MIA2: variants seen among roughly 807,000 people sequenced by gnomAD.
The protein encoded by MIA2 is melanoma inhibitory activity protein 2.
In MIA2, 127 loss-of-function variants were observed where a neutral mutation model predicts 167.8. That is an observed-to-expected ratio of 0.76 (90% CI 0.66 to 0.88). MIA2 has a LOEUF of 0.88. Among genes scored for constraint, MIA2 ranks in the 40% least tolerant of loss-of-function variants. MIA2 has a pLI of 0.00. For missense variants in MIA2, 1,690 were observed against 1,624.7 expected, an observed-to-expected ratio of 1.04 and a Z score of -0.69; for synonymous variants, 552 against 541.9, an observed-to-expected ratio of 1.02 and a Z score of -0.26.
At chr14:39,270,200 G>GTTT (rs35675093) in intron 6 of MIA2, among the ~76,000 whole-genome samples, 5 of 88,054 alleles carry the variant, frequency 5.7e-5, no homozygotes, top group Non-Finnish European at 1.2e-4. Flanking sequence ...CTCTGTTGTG[G>GTTT]TTTTTTTTTT....
At chr14:39,356,361 C>G (rs2074525294), downstream of MIA2, among the ~76,000 whole-genome samples, 1 of 152,160 alleles carries the variant, frequency 6.6e-6, no homozygotes, top group African/African-American at 2.4e-5. Context: ...ATAGTATTCT[C>G]TGATGGTAGT....
At chr14:39,325,519 C>G (rs1052816092) in intron 24 of MIA2, among the ~76,000 whole-genome samples, 41 of 148,978 alleles carry the variant, frequency 2.8e-4, no homozygotes, top group Non-Finnish European at 4.8e-4. Flanking sequence ...AGGCGCCTGC[C>G]ACCATGCCCG....
intron 7 of MIA2, among the ~76,000 whole-genome samples, chr14:39,277,776 A>G (rs5029820): frequency 5.6e-5 from 2 of 35,758 alleles, no homozygotes; most frequent in South Asian, 1.2e-3. Context: ...ATATATATAT[A>G]TATATTTATA....
chr14:39,286,529 T>C (rs2059814871), intron 9 of MIA2, among the ~76,000 whole-genome samples: 1 of 152,194 alleles, frequency 6.6e-6, no homozygotes, highest in Non-Finnish European at 1.5e-5. Context: ...TAGTTTTGTT[T>C]TGATATTATA....
rs1282281535 is a variant in MIA2 at position 39,247,894 on chromosome 14, C to G, written c.1320C>G (p.Asp440Glu). 1 of 1,589,172 alleles carries G rather than the reference C, an allele frequency of 6.3e-7. No individual in the cohort carries two copies. The highest frequency in any genetic ancestry group is 1.2e-5 in the South Asian group (1 of 85,250). The change falls in exon 4 of 29, where the codon GAC becomes GAG. Residue 440 changes from aspartate (D) to glutamate (E), a missense_variant. Transcript: ENST00000640607. ...TTATAGAAACAGAAGATCAAATAGA[C>G]AAGAAACCAGTCTCAGAAAAAACAG... ...IKIIETEDQIDKKPVSEKTDE... is the reference protein window; with the variant it reads ...IKIIETEDQIEKKPVSEKTDE...
intron 18 of MIA2, among the ~76,000 whole-genome samples, chr14:39,312,183 A>G (rs899889696): frequency 2.0e-5 from 3 of 152,178 alleles, no homozygotes; most frequent in African/African-American, 2.4e-5. Flanking sequence ...TGTAATTTCT[A>G]TTATTAATAG....
downstream of MIA2, among the ~76,000 whole-genome samples, chr14:39,354,038 C>T (rs376673106): frequency 6.6e-6 from 1 of 152,062 alleles, no homozygotes; most frequent in East Asian, 1.9e-4. Context: ...TGCGCATGTG[C>T]CTTTATAGCA....
At chr14:39,300,915 C>CAT (rs113051095) in intron 14 of MIA2, among the ~76,000 whole-genome samples, 196 of 142,526 alleles carry the variant, frequency 1.4e-3, no homozygotes, top group African/African-American at 9.0e-4. Context: ...CAGAATTTGG[C>CAT]ATATATATAT....
chr14:39,247,513 A>T lies in MIA2; in HGVS notation c.939A>T (p.Gly313=). The T allele has an allele frequency of 1.9e-6, 3 of 1,614,034 alleles. No homozygotes were observed. The South Asian group carries it at 3.3e-5, about 18-fold the overall frequency. The change falls in exon 4 of 29, where the codon GGA becomes GGT. Residue 313 remains glycine (G), a synonymous_variant. Coordinates refer to ENST00000640607, the MANE Select transcript of MIA2 (RefSeq NM_001329214.4). ...KPQSTGWFGG[G]FTSYLGFGDE... ...AATCCACTGGTTGGTTTGGTGGAGG[A>T]TTTACAAGTTATTTAGGTTTTGGAG...
At chr14:39,358,903 T>G (rs2074603473) in intron 23 of MIA2, among the ~76,000 whole-genome samples, 1 of 152,156 alleles carries the variant, frequency 6.6e-6, no homozygotes, top group Non-Finnish European at 1.5e-5. Context: ...GCCTGATCGT[T>G]CCTCTGAAAG....
At chr14:39,277,205 G>GT (rs572052017) in intron 7 of MIA2, 140 bp downstream of exon 7, 257 of 1,168,390 alleles carry the variant, frequency 2.2e-4, no homozygotes, top group African/African-American at 1.9e-3. Context: ...TTTGTTTTTT[G>GT]TTTTTTTTAA....
At chr14:39,255,663 C>A (rs936770002) in intron 6 of MIA2, among the ~76,000 whole-genome samples, 1 of 152,266 alleles carries the variant, frequency 6.6e-6, no homozygotes, top group East Asian at 1.9e-4. Flanking sequence ...TCTTGCTGAC[C>A]TCTTAATCCC....
At chr14:39,261,178 C>T (rs2055089122) in intron 6 of MIA2, among the ~76,000 whole-genome samples, 1 of 152,006 alleles carries the variant, frequency 6.6e-6, no homozygotes, top group Non-Finnish European at 1.5e-5. Context: ...TGTGATGTTC[C>T]CCTTCCTGTG....
At chr14:39,349,695 G>A (rs1211413009) in intron 28 of MIA2, among the ~76,000 whole-genome samples, 2 of 152,102 alleles carry the variant, frequency 1.3e-5, no homozygotes, top group African/African-American at 4.8e-5. Flanking sequence ...TACTGGAAAT[G>A]TTTTAGTATA....
Position 39,350,486 on chromosome 14 carries a change from C to T in MIA2, c.*222C>T. The T allele has an allele frequency of 2.5e-6, 1 of 397,294 alleles. No homozygotes were observed. Among genetic ancestry groups the T allele is most frequent in the Admixed American group, 4.5e-5 (1 of 22,212 alleles). 24.6% of individuals were successfully genotyped at this position (397,294 alleles called of 1,614,324 possible). A position where few individuals can be genotyped will look rare whatever the true frequency, so the allele number is the denominator to read the frequency against. ...TATAACTATTTCAATTTGATTAATC[C>T]ACTATTATATAAACAATAGTGGGAG... is the stretch of plus-strand genomic sequence containing the variant. On this transcript the variant is annotated 3_prime_UTR_variant, in exon 29 of 29. Coordinates refer to ENST00000640607, the MANE Select transcript of MIA2 (RefSeq NM_001329214.4).
At chr14:39,292,633 C>T (rs2060886384) in intron 10 of MIA2, 1 of 276,568 alleles carries the variant, frequency 3.6e-6, no homozygotes, top group Non-Finnish European at 7.0e-6. Context: ...TTTATTTTGG[C>T]CTGCATTAAA....
intron 18 of MIA2, among the ~76,000 whole-genome samples, chr14:39,311,558 A>C (rs1595459429): frequency 6.9e-6 from 1 of 144,052 alleles, no homozygotes; most frequent in East Asian, 2.0e-4. Context: ...GCTTACCACA[A>C]GCTCCGCCTC....
At chr14:39,304,481 AT>A in intron 17 of MIA2, 100 bp downstream of exon 17, 1 of 639,378 alleles carries the variant, frequency 1.6e-6, no homozygotes, top group Non-Finnish European at 2.5e-6. Flanking sequence ...GGAAGATCCA[AT>A]TTTATTTTTT....
Position 39,234,155 on chromosome 14 carries a change from T to G in MIA2, c.41T>G (p.Ile14Ser). The G allele has an allele frequency of 1.2e-6, 2 of 1,609,482 alleles. No homozygotes were observed. The highest frequency in any genetic ancestry group is 2.7e-5 in the African/African-American group (2 of 74,704). Reference protein sequence around the residue: ...FGVHRILLLAISLTKCLESTK... With the variant: ...FGVHRILLLASSLTKCLESTK... Reference sequence around the variant, plus strand: ...GTTCACAGAATCCTTCTTCTGGCTATTTCTCTGACAAAGTGTCTGGAGAGT... The same window carrying G: ...GTTCACAGAATCCTTCTTCTGGCTAGTTCTCTGACAAAGTGTCTGGAGAGT... Residue 14 changes from isoleucine to serine, a missense_variant, in exon 1 of 29, where the codon ATT becomes AGT. Ile to Ser is a moderately radical substitution (Grantham distance 142). Coordinates refer to ENST00000640607, the MANE Select transcript of MIA2 (RefSeq NM_001329214.4).
Sources: allele counts gnomAD v4.1 joint callset (sites outside exome capture counted in the v4.1 genomes callset), GRCh38; gene constraint gnomAD v4.1.1; transcripts MANE v1.5; gene names NCBI Gene and HGNC (gene_info 2026-07-23, HGNC 2026-07-21).